The following SEMA5A variants were observed in gnomAD, a reference collection of about 807,000 sequenced individuals.
SEMA5A encodes the protein semaphorin-5A.
A neutral mutation model predicts 135.5 loss-of-function variants in SEMA5A; 55 were observed. That is an observed-to-expected ratio of 0.41 (90% CI 0.33 to 0.51). The LOEUF (loss-of-function observed/expected upper bound fraction) is 0.51. Among genes scored for constraint, SEMA5A ranks in the 20% least tolerant of loss-of-function variants. The probability of loss-of-function intolerance (pLI) is 0.37; values close to 1 mark genes in which losing one functional copy is unlikely to be tolerated. For missense variants in SEMA5A, 1,290 were observed against 1,419.9 expected, an observed-to-expected ratio of 0.91 and a Z score of 1.47; for synonymous variants, 580 against 546.5, an observed-to-expected ratio of 1.06 and a Z score of -0.85.
chr5:9,164,223 A>G (rs980149551), intron 11 of SEMA5A, among the ~76,000 whole-genome samples: 1 of 142,032 alleles, frequency 7.0e-6, no homozygotes, highest in Admixed American at 7.3e-5. Flanking sequence ...AATTATAAAT[A>G]TAGCATATAA....
intron 5 of SEMA5A, among the ~76,000 whole-genome samples, chr5:9,291,893 T>C (rs1298464180): frequency 6.6e-6 from 1 of 152,032 alleles, no homozygotes; most frequent in Non-Finnish European, 1.5e-5. Context: ...AATTAATAAC[T>C]GAAACAAGAA....
intron 3 of SEMA5A, among the ~76,000 whole-genome samples, chr5:9,367,922 G>T (rs1463180122): frequency 6.6e-6 from 1 of 152,196 alleles, no homozygotes; most frequent in African/African-American, 2.4e-5. Context: ...CATGTGATAT[G>T]CCCATACCCC....
chr5:9,157,280 CCT>C (rs1472563243), intron 11 of SEMA5A, among the ~76,000 whole-genome samples: 1 of 152,174 alleles, frequency 6.6e-6, no homozygotes, highest in Non-Finnish European at 1.5e-5. Flanking sequence ...CTTCTCATCC[CCT>C]GTCCTCATGA....
intron 3 of SEMA5A, among the ~76,000 whole-genome samples, chr5:9,369,469 AT>A: frequency 6.6e-6 from 1 of 152,152 alleles, no homozygotes; most frequent in South Asian, 2.1e-4. Flanking sequence ...AGGTTTTTAA[AT>A]TTTTGCTCTT....
chr5:9,173,573 T>G (rs1579539961), intron 11 of SEMA5A, among the ~76,000 whole-genome samples: 2 of 152,164 alleles, frequency 1.3e-5, no homozygotes, highest in South Asian at 4.1e-4. Flanking sequence ...TGGGATCTCT[T>G]CTATTGGGCA....
intron 5 of SEMA5A, among the ~76,000 whole-genome samples, chr5:9,305,750 ACAC>A (rs1751839682): frequency 2.0e-5 from 3 of 150,346 alleles, no homozygotes; most frequent in Non-Finnish European, 3.0e-5. Context: ...ACACACACAC[ACAC>A]ACATATATAC....
intron 1 of SEMA5A, among the ~76,000 whole-genome samples, chr5:9,460,341 G>A (rs571826): frequency 0.15 from 22,666 of 151,116 alleles, 2,547 homozygotes; most frequent in African/African-American, 0.32. Flanking sequence ...TTAAAAATAC[G>A]TAGAACAAAA....
chr5:9,202,222 G>A lies in SEMA5A; in HGVS notation c.665C>T (p.Ser222Phe), dbSNP rs201824915. The A allele has an allele frequency of 6.2e-7, 1 of 1,613,176 alleles. No homozygotes were observed. Among genetic ancestry groups the A allele is most frequent in the East Asian group, 2.2e-5 (1 of 44,870 alleles). ...GTAGGTAAAATTTCCGATGTCATAA[G>A]ATGACACAAAGTTTGGCTCTGGAAA... Reference protein sequence around the residue: ...KWLNEPNFVSSYDIGNFTYFF... With the variant: ...KWLNEPNFVSFYDIGNFTYFF... Residue 222 changes from serine to phenylalanine, a missense_variant, in exon 9 of 23, where the codon TCT becomes TTT. Transcript: ENST00000382496.
intron 11 of SEMA5A, among the ~76,000 whole-genome samples, chr5:9,184,919 G>T (rs941171628): frequency 6.6e-6 from 1 of 152,176 alleles, no homozygotes; most frequent in African/African-American, 2.4e-5. Context: ...TGAAGGTCTT[G>T]AGCCTTCATA....
chr5:9,295,517 T>C (rs937236202), intron 5 of SEMA5A, among the ~76,000 whole-genome samples: 1 of 151,518 alleles, frequency 6.6e-6, no homozygotes, highest in Non-Finnish European at 1.5e-5. Context: ...TACATGGGAG[T>C]GACTGGGGAG....
chr5:9,355,683 A>G (rs190757327), intron 3 of SEMA5A, among the ~76,000 whole-genome samples: 3 of 152,306 alleles, frequency 2.0e-5, no homozygotes, highest in Admixed American at 2.0e-4. Context: ...TGGGCAGAAG[A>G]TAAAGGTTTG....
At chr5:9,257,791 T>C (rs939427995) in intron 5 of SEMA5A, among the ~76,000 whole-genome samples, 1 of 152,082 alleles carries the variant, frequency 6.6e-6, no homozygotes, top group Admixed American at 6.6e-5. Flanking sequence ...ATTACAACTC[T>C]ACCAAGGGGC....
chr5:9,536,538 G>A (rs1001227935), intron 1 of SEMA5A, among the ~76,000 whole-genome samples: 9 of 151,756 alleles, frequency 5.9e-5, no homozygotes, highest in Admixed American at 2.6e-4. Flanking sequence ...ACTTGAACCC[G>A]GGAGGCAGAG....
chr5:9,242,743 C>T (rs528212517), intron 5 of SEMA5A, among the ~76,000 whole-genome samples: 26 of 152,254 alleles, frequency 1.7e-4, no homozygotes, highest in South Asian at 6.2e-4. Flanking sequence ...CACATACCTT[C>T]TCTACCCCAA....
intron 1 of SEMA5A, among the ~76,000 whole-genome samples, chr5:9,452,596 C>G (rs903473034): frequency 9.9e-5 from 15 of 152,108 alleles, no homozygotes; most frequent in African/African-American, 3.6e-4. Context: ...CAAGGTGAGC[C>G]CCCGCAAATA....
At chr5:9,254,323 A>C (rs1748951857) in intron 5 of SEMA5A, among the ~76,000 whole-genome samples, 1 of 152,216 alleles carries the variant, frequency 6.6e-6, no homozygotes, top group Admixed American at 6.5e-5. Context: ...ACAGAGAGAA[A>C]AACACGTTTG....
At chr5:9,184,950 C>T (rs1287728164) in intron 11 of SEMA5A, among the ~76,000 whole-genome samples, 3 of 152,076 alleles carry the variant, frequency 2.0e-5, no homozygotes, top group African/African-American at 7.2e-5. Flanking sequence ...CTTTTTGAGA[C>T]AGCATCTTAC....
intron 1 of SEMA5A, among the ~76,000 whole-genome samples, chr5:9,444,648 C>T (rs530771951): frequency 3.9e-5 from 6 of 152,304 alleles, no homozygotes; most frequent in African/African-American, 1.4e-4. Context: ...ATCCTATAAA[C>T]ATGCATGTGC....
intron 8 of SEMA5A, among the ~76,000 whole-genome samples, chr5:9,205,950 G>A (rs987502410): frequency 6.6e-6 from 1 of 152,224 alleles, no homozygotes; most frequent in African/African-American, 2.4e-5. Context: ...ATAATTGTAA[G>A]ACAGACAGTC....
Sources: gnomAD v4.1 joint callset for allele counts (sites outside exome capture counted in the v4.1 genomes callset) on GRCh38, gnomAD v4.1.1 for gene constraint, MANE v1.5 for transcripts, NCBI Gene and HGNC (gene_info 2026-07-23, HGNC 2026-07-21) for gene names.